The following ATP10D variants were observed in gnomAD, a reference collection of about 807,000 sequenced individuals.
ATP10D encodes the protein phospholipid-transporting ATPase VD.
A neutral mutation model predicts 144.8 loss-of-function variants in ATP10D; 89 were observed. The observed-to-expected ratio is 0.61, with a 90% CI of 0.52 to 0.73. The LOEUF is 0.73. Among genes scored for constraint, ATP10D ranks in the 30% least tolerant of loss-of-function variants. The pLI is 0.00. For missense variants in ATP10D, 1,603 were observed against 1,714.8 expected (o/e 0.93, Z 1.15); for synonymous variants, 571 against 615.1 (o/e 0.93, Z 1.06).
At chr4:47,525,676 A>G (rs1451297351) in intron 5 of ATP10D, 34 bp downstream of exon 5, 1 of 1,505,124 alleles carries the variant, frequency 6.6e-7, no homozygotes, top group Non-Finnish European at 9.2e-7. Flanking sequence ...TGTGGGTGTA[A>G]GTGGAATTGT....
intron 11 of ATP10D, chr4:47,556,637 C>T (rs1256853116): frequency 6.6e-6 from 1 of 152,138 alleles, no homozygotes; most frequent in Non-Finnish European, 1.5e-5. Context: ...GATACAGAAA[C>T]CTCATCTGTG....
chr4:47,504,822 T>C (rs1184241450), intron 1 of ATP10D, among the ~76,000 whole-genome samples: 4 of 152,240 alleles, frequency 2.6e-5, no homozygotes, highest in Admixed American at 2.0e-4. Context: ...ATAAGTCTAT[T>C]GTGAAACAAT....
intron 14 of ATP10D, 34 bp downstream of exon 14, chr4:47,561,109 G>A (rs374624437): frequency 5.0e-6 from 8 of 1,611,962 alleles, no homozygotes; most frequent in Non-Finnish European, 6.8e-6. Flanking sequence ...CCTGAATGGA[G>A]GATTTTGAAA....
intron 1 of ATP10D, among the ~76,000 whole-genome samples, chr4:47,501,550 G>C (rs966922315): frequency 6.6e-6 from 1 of 152,108 alleles, no homozygotes; most frequent in Non-Finnish European, 1.5e-5. Context: ...TGGGTTGCCA[G>C]AGCTATATGC....
intron 22 of ATP10D, among the ~76,000 whole-genome samples, chr4:47,590,789 A>G (rs1436174796): frequency 2.0e-5 from 3 of 152,068 alleles, no homozygotes. Context: ...ACTTTTATAG[A>G]TGCTATTTAG....
intron 1 of ATP10D, among the ~76,000 whole-genome samples, chr4:47,507,708 A>G (rs948452388): frequency 1.2e-4 from 18 of 152,334 alleles, no homozygotes; most frequent in Non-Finnish European, 5.9e-5. Flanking sequence ...GGAATTAGGT[A>G]TGTTCCCGAC....
intron 5 of ATP10D, among the ~76,000 whole-genome samples, chr4:47,533,539 T>C (rs947723681): frequency 6.6e-6 from 1 of 152,148 alleles, no homozygotes; most frequent in Non-Finnish European, 1.5e-5. Flanking sequence ...TTAACAACTT[T>C]TATATATGTA....
At chr4:47,491,249 A>G in intron 1 of ATP10D, 3 of 801,018 alleles carry the variant, frequency 3.7e-6, no homozygotes, top group Admixed American at 3.4e-5. Flanking sequence ...CAATGCCAAC[A>G]GCACGCTGGG....
At chr4:47,524,012 C>T (rs1425904406) in intron 4 of ATP10D, among the ~76,000 whole-genome samples, 2 of 152,146 alleles carry the variant, frequency 1.3e-5, no homozygotes, top group South Asian at 2.1e-4. Flanking sequence ...CTGCAACCAC[C>T]GCCTCCTGTG....
chr4:47,544,317 C>T (rs1258496232), intron 9 of ATP10D, among the ~76,000 whole-genome samples: 1 of 152,170 alleles, frequency 6.6e-6, no homozygotes, highest in East Asian at 1.9e-4. Context: ...GAGTAAGAGT[C>T]AGTATAGCTA....
chr4:47,561,793 T>C (rs1478363041), intron 14 of ATP10D, among the ~76,000 whole-genome samples: 2 of 152,166 alleles, frequency 1.3e-5, no homozygotes, highest in Admixed American at 6.5e-5. Context: ...GCATTGGAAT[T>C]TTTTAAAGCT....
At chr4:47,525,535 G>A in intron 4 of ATP10D, 22 bp from the exon 5 acceptor site, 2 of 1,543,112 alleles carry the variant, frequency 1.3e-6, no homozygotes, top group African/African-American at 1.4e-5. Context: ...TTCTTATTTT[G>A]TGATTCAAAA....
intron 5 of ATP10D, among the ~76,000 whole-genome samples, chr4:47,534,536 C>T (rs1717735337): frequency 6.6e-6 from 1 of 152,094 alleles, no homozygotes; most frequent in Non-Finnish European, 1.5e-5. Flanking sequence ...TCATGAGGCC[C>T]ACGATGTCTC....
chr4:47,490,150 T>C (rs1036023873), intron 1 of ATP10D, among the ~76,000 whole-genome samples: 2 of 152,186 alleles, frequency 1.3e-5, no homozygotes, highest in African/African-American at 4.8e-5. Flanking sequence ...AACTTTCATT[T>C]CCCCTTAATT....
chr4:47,512,434 A>G (rs1716384834), intron 1 of ATP10D, 70 bp from the exon 2 acceptor site: 1 of 1,035,006 alleles, frequency 9.7e-7, no homozygotes, highest in Non-Finnish European at 1.4e-6. Context: ...TATAGAAAAA[A>G]TATTAAAATT....
chr4:47,522,943 T>TA (rs1560422857), intron 3 of ATP10D, 69 bp from the exon 4 acceptor site: 257 of 1,287,676 alleles, frequency 2.0e-4, no homozygotes, highest in African/African-American at 1.1e-3. Flanking sequence ...AAAAAATTTT[T>TA]TAAAAAAAAC....
intron 1 of ATP10D, among the ~76,000 whole-genome samples, chr4:47,487,291 G>A (rs73237014): frequency 0.083 from 12,495 of 151,286 alleles, 581 homozygotes; most frequent in East Asian, 0.12. Flanking sequence ...AAAACGAAGG[G>A]AAATGCTCAA....
rs747910322 is a variant in ATP10D at position 47,555,404 on chromosome 4, C to T, written c.1824+490C>T. On this transcript the variant is annotated intron_variant, in intron 11 of 22. Coordinates refer to ENST00000273859, the MANE Select transcript of ATP10D (RefSeq NM_020453.4). ...CCCTGGTGCCAAAAAGGTTGAGGAC[C>T]GCTGGTCTAAGTGATTTATTGGTAT... is the stretch of plus-strand genomic sequence containing the variant. Among the ~76,000 whole-genome samples the T allele has an allele frequency of 4.6e-5, 7 of 152,124 alleles. No individual in the cohort carries two copies. The South Asian group carries it at 1.0e-3, about 23-fold the overall frequency.
intron 1 of ATP10D, among the ~76,000 whole-genome samples, chr4:47,501,987 T>C (rs1177894429): frequency 6.6e-6 from 1 of 152,224 alleles, no homozygotes; most frequent in Non-Finnish European, 1.5e-5. Context: ...TATATGTTTA[T>C]GCTTTTTTCA....
Sources: gnomAD v4.1 joint callset for allele counts (sites outside exome capture counted in the v4.1 genomes callset) on GRCh38, gnomAD v4.1.1 for gene constraint, MANE v1.5 for transcripts, NCBI Gene and HGNC (gene_info 2026-07-23, HGNC 2026-07-21) for gene names.